Variants in PDCD6IP observed in about 807,000 individuals in gnomAD.
PDCD6IP encodes the protein programmed cell death 6-interacting protein.
PDCD6IP carries 43 observed loss-of-function variants against 103.7 expected under a neutral mutation model. The observed-to-expected ratio is 0.41, with a 90% CI of 0.32 to 0.53. PDCD6IP has a LOEUF of 0.53. Among genes scored for constraint, PDCD6IP ranks in the 20% least tolerant of loss-of-function variants. The probability of loss-of-function intolerance (pLI) is 0.16; values close to 1 mark genes in which losing one functional copy is unlikely to be tolerated. For synonymous variants in PDCD6IP, 354 were observed against 378.7 expected (o/e 0.93, Z 0.76); for missense variants, 871 against 1,036.7 (o/e 0.84, Z 2.20).
intron 7 of PDCD6IP, among the ~76,000 whole-genome samples, chr3:33,832,190 T>C (rs907501797): frequency 3.9e-5 from 6 of 152,172 alleles, no homozygotes; most frequent in African/African-American, 9.7e-5. Context: ...CATATTCTGG[T>C]GAGATTTACA....
chr3:33,843,949 A>G (rs1202467681), intron 10 of PDCD6IP, 163 bp from the exon 11 acceptor site: 7 of 453,150 alleles, frequency 1.5e-5, no homozygotes, highest in East Asian at 7.8e-5. Flanking sequence ...TGTTAAATGC[A>G]TTATAACTTA....
At chr3:33,834,698 A>C (rs554455501) in intron 7 of PDCD6IP, among the ~76,000 whole-genome samples, 2 of 152,352 alleles carry the variant, frequency 1.3e-5, no homozygotes, top group East Asian at 3.8e-4. Context: ...TTATATAAGT[A>C]GATTTTCTAG....
At chr3:33,804,319 A>G (rs1161235658) in intron 1 of PDCD6IP, among the ~76,000 whole-genome samples, 1 of 152,258 alleles carries the variant, frequency 6.6e-6, no homozygotes, top group African/African-American at 2.4e-5. Flanking sequence ...GCTCCACCTT[A>G]GTGAACAGGC....
intron 4 of PDCD6IP, 148 bp from the exon 5 acceptor site, chr3:33,825,039 C>A: frequency 1.5e-6 from 1 of 655,320 alleles, no homozygotes; most frequent in East Asian, 2.8e-5. Flanking sequence ...GTCTGTAGGT[C>A]AGATGTTTTA....
intron 15 of PDCD6IP, among the ~76,000 whole-genome samples, chr3:33,862,952 C>T (rs1323233738): frequency 6.6e-6 from 1 of 151,978 alleles, no homozygotes. Context: ...TTTACTTTTT[C>T]CCCCAGTCTT....
intron 3 of PDCD6IP, among the ~76,000 whole-genome samples, chr3:33,814,890 A>C (rs1478115748): frequency 6.8e-6 from 1 of 145,990 alleles, no homozygotes; most frequent in African/African-American, 2.5e-5. Context: ...ATATATATTC[A>C]TGTACACATA....
chr3:33,798,918 G>A lies in PDCD6IP; in HGVS notation c.190G>A (p.Ala64Thr), dbSNP rs990173022. 5 of 1,540,402 alleles carry A rather than the reference G, an allele frequency of 3.2e-6. No individual in the cohort carries two copies. The highest frequency in any genetic ancestry group is 8.8e-7 in the Non-Finnish European group (1 of 1,139,684). Residue 64 changes from alanine (A) to threonine (T), a missense_variant, in exon 1 of 18, where the codon GCG (alanine) becomes ACG (threonine). Transcript: ENST00000307296. The part of the protein sequence containing the change: ...VGRPLDKHEG[A>T]LETLLRYYDQ... ...TCGTCCGCTGGACAAGCACGAGGGC[G>A]CGCTCGAGACGCTCCTGAGGTGGGC...
At chr3:33,806,262 T>G (rs981572300) in intron 1 of PDCD6IP, among the ~76,000 whole-genome samples, 1 of 152,236 alleles carries the variant, frequency 6.6e-6, no homozygotes, top group Non-Finnish European at 1.5e-5. Context: ...TTGTCATACA[T>G]GTACTCCTGT....
chr3:33,831,883 A>G (rs555871562), intron 7 of PDCD6IP, among the ~76,000 whole-genome samples: 31 of 152,262 alleles, frequency 2.0e-4, no homozygotes, highest in Non-Finnish European at 4.1e-4. Context: ...TATCCTGAAG[A>G]TCTCTTCATC....
chr3:33,860,401 A>G (rs2125451144), intron 15 of PDCD6IP, among the ~76,000 whole-genome samples: 1 of 152,326 alleles, frequency 6.6e-6, no homozygotes, highest in Non-Finnish European at 1.5e-5. Context: ...ACTGGATATA[A>G]TGTATACCGG....
intron 6 of PDCD6IP, chr3:33,826,864 A>G (rs1697138444): frequency 3.4e-6 from 4 of 1,189,698 alleles, no homozygotes; most frequent in Non-Finnish European, 4.2e-6. Flanking sequence ...ACTTTTATCA[A>G]ATCAAGGCAT....
At chr3:33,851,189 G>A (rs1380982347) in intron 12 of PDCD6IP, among the ~76,000 whole-genome samples, 7 of 152,062 alleles carry the variant, frequency 4.6e-5, no homozygotes, top group African/African-American at 1.7e-4. Context: ...GCTGCTGGTA[G>A]TGAGAAAGAC....
intron 2 of PDCD6IP, among the ~76,000 whole-genome samples, chr3:33,812,369 T>C (rs1181279337): frequency 1.3e-5 from 2 of 152,250 alleles, no homozygotes; most frequent in Non-Finnish European, 2.9e-5. Context: ...CTTCATTTTA[T>C]GTCAGTAGGA....
chr3:33,860,012 A>G (rs1697917636), intron 15 of PDCD6IP, among the ~76,000 whole-genome samples: 1 of 152,176 alleles, frequency 6.6e-6, no homozygotes, highest in Non-Finnish European at 1.5e-5. Context: ...ATTTACTGAT[A>G]TGGAAAGATC....
chr3:33,859,362 AAAG>A (rs1451846537), intron 15 of PDCD6IP, among the ~76,000 whole-genome samples: 2 of 152,198 alleles, frequency 1.3e-5, no homozygotes, highest in African/African-American at 2.4e-5. Context: ...AAAAAAAAGA[AAAG>A]AATAAGTTTC....
chr3:33,808,968 C>T (rs1017291801), intron 1 of PDCD6IP, among the ~76,000 whole-genome samples: 2 of 152,130 alleles, frequency 1.3e-5, no homozygotes, highest in Admixed American at 1.3e-4. Flanking sequence ...CTTGATTTTC[C>T]CTAGATTGGA....
chr3:33,806,651 A>G (rs566149853), intron 1 of PDCD6IP, among the ~76,000 whole-genome samples: 1 of 152,194 alleles, frequency 6.6e-6, no homozygotes. Flanking sequence ...TTTGTTAGAG[A>G]TACATCCTAG....
At chr3:33,807,453 G>C (rs991402909) in intron 1 of PDCD6IP, among the ~76,000 whole-genome samples, 92 of 152,294 alleles carry the variant, frequency 6.0e-4, no homozygotes, top group African/African-American at 2.0e-3. Context: ...CTGTGGTGCT[G>C]CCTACACCAG....
At position 33,868,274 on chromosome 3, in the gene PDCD6IP, T is replaced by A. The variant is rs1698110000; in HGVS notation, c.*1749T>A. On this transcript the variant is annotated 3_prime_UTR_variant, in exon 18 of 18. Coordinates refer to ENST00000307296, the MANE Select transcript of PDCD6IP (RefSeq NM_013374.6). ...AGTTAGAGGTATTACAAGTTGCTAG[T>A]TTATAATGTCTTACTAATGCAGAAA... 1 of 152,200 alleles carries A rather than the reference T, an allele frequency of 6.6e-6. No individual in the cohort carries two copies. The highest frequency in any genetic ancestry group is 2.1e-4 in the South Asian group (1 of 4,826). The allele number at this position is 152,200 out of a possible 1,614,324, so 9.4% of individuals were successfully genotyped here. A position where few individuals can be genotyped will look rare whatever the true frequency, so the allele number is the denominator to read the frequency against.
Sources: gnomAD v4.1 joint callset for allele counts (sites outside exome capture counted in the v4.1 genomes callset) on GRCh38, gnomAD v4.1.1 for gene constraint, MANE v1.5 for transcripts, NCBI Gene and HGNC (gene_info 2026-07-23, HGNC 2026-07-21) for gene names.